IL1RAPL1: variants seen among roughly 807,000 people sequenced by gnomAD.
IL1RAPL1 encodes interleukin-1 receptor accessory protein-like 1.
In IL1RAPL1, 3 loss-of-function variants were observed where a neutral mutation model predicts 48.4. The observed-to-expected ratio is 0.06, with a 90% CI of 0.03 to 0.16. The LOEUF (loss-of-function observed/expected upper bound fraction) is 0.16, where lower values mean the gene tolerates loss of function less well. Among genes scored for constraint, IL1RAPL1 ranks in the 10% least tolerant of loss-of-function variants. The pLI is 1.00. For missense variants in IL1RAPL1, 349 were observed against 530.6 expected, an observed-to-expected ratio of 0.66 and a Z score of 3.36; for synonymous variants, 185 against 187.7, an observed-to-expected ratio of 0.99 and a Z score of 0.12.
chrX:29,449,037 G>T (rs1934644415), intron 5 of IL1RAPL1, among the ~76,000 whole-genome samples: 1 of 111,148 alleles, frequency 9.0e-6, no homozygotes, highest in African/African-American at 3.3e-5. Flanking sequence ...ATCACATTGG[G>T]GGTTAGTGCT....
At position 28,789,343 on chromosome X, in the gene IL1RAPL1, G is replaced by T; in HGVS notation, c.-1G>T. The T allele has an allele frequency of 8.3e-7, 1 of 1,202,727 alleles. No individual in the cohort carries two copies. Among genetic ancestry groups the T allele is most frequent in the Non-Finnish European group, 1.1e-6 (1 of 887,345 alleles). On this transcript the variant is annotated 5_prime_UTR_variant, in exon 2 of 11. Coordinates refer to ENST00000378993, the MANE Select transcript of IL1RAPL1 (RefSeq NM_014271.4). The stretch of plus-strand genomic sequence containing the variant: ...AGGGAACGGCCTTTAAGAGCTGGAA[G>T]ATGAAAGCTCCGATTCCACACTTGA...
chrX:29,283,272 G>T, intron 3 of IL1RAPL1, 55 bp downstream of exon 3: 1 of 1,090,486 alleles, frequency 9.2e-7, no homozygotes. Flanking sequence ...CTGCTTTCTC[G>T]TACTTAAATG....
chrX:28,679,290 C>T (rs1052995188), intron 1 of IL1RAPL1, among the ~76,000 whole-genome samples: 6 of 111,589 alleles, frequency 5.4e-5, no homozygotes, highest in African/African-American at 1.3e-4. Context: ...CATTTTTATT[C>T]GGGTTTTTTT....
At chrX:29,269,890 TAA>T (rs779723381) in intron 2 of IL1RAPL1, among the ~76,000 whole-genome samples, 12 of 111,452 alleles carry the variant, frequency 1.1e-4, no homozygotes, top group African/African-American at 2.9e-4. Flanking sequence ...CCCATCACAC[TAA>T]AAGTTTCCTC....
intron 7 of IL1RAPL1, among the ~76,000 whole-genome samples, chrX:29,918,146 T>A (rs1200848357): frequency 0.056 from 1,094 of 19,600 alleles, 26 homozygotes; most frequent in Non-Finnish European, 0.073. Context: ...AAAAAAAAAA[T>A]ATATATATAT....
intron 1 of IL1RAPL1, among the ~76,000 whole-genome samples, chrX:28,596,212 G>C (rs777567103): frequency 2.7e-5 from 3 of 111,756 alleles, no homozygotes; most frequent in Admixed American, 9.5e-5. Context: ...ATTATACGTA[G>C]AGACAAAAGC....
chrX:29,157,207 T>G (rs1246815886), intron 2 of IL1RAPL1, among the ~76,000 whole-genome samples: 2 of 111,497 alleles, frequency 1.8e-5, no homozygotes, highest in Admixed American at 1.9e-4. Flanking sequence ...TGTAGATAAC[T>G]ATAGCTTTGA....
chrX:28,793,912 C>G (rs764882605), intron 2 of IL1RAPL1, among the ~76,000 whole-genome samples: 2 of 110,821 alleles, frequency 1.8e-5, no homozygotes, highest in Non-Finnish European at 3.8e-5. Context: ...TCTACAGTGC[C>G]AAATATGCTG....
At chrX:28,710,696 G>T (rs1935431308) in intron 1 of IL1RAPL1, among the ~76,000 whole-genome samples, 1 of 111,382 alleles carries the variant, frequency 9.0e-6, no homozygotes, top group South Asian at 3.8e-4. Context: ...AATACCAGGT[G>T]AAATTAATTT....
chrX:28,974,335 G>A (rs893473827), intron 2 of IL1RAPL1, among the ~76,000 whole-genome samples: 3 of 111,770 alleles, frequency 2.7e-5, no homozygotes, highest in Non-Finnish European at 5.6e-5. Flanking sequence ...TTTGCTAAAC[G>A]TCCAATTTTT....
At chrX:28,703,892 C>T (rs1003844739) in intron 1 of IL1RAPL1, among the ~76,000 whole-genome samples, 3 of 111,868 alleles carry the variant, frequency 2.7e-5, no homozygotes, top group African/African-American at 9.7e-5. Context: ...TCCTATCCTG[C>T]CTCCCACATT....
chrX:29,178,364 A>T (rs1220445325), intron 2 of IL1RAPL1, among the ~76,000 whole-genome samples: 1 of 112,249 alleles, frequency 8.9e-6, no homozygotes, highest in Admixed American at 9.4e-5. Context: ...GCATTTTGTC[A>T]TGTGTCTATT....
chrX:29,077,115 T>C (rs1927694547), intron 2 of IL1RAPL1, among the ~76,000 whole-genome samples: 1 of 112,236 alleles, frequency 8.9e-6, no homozygotes, highest in African/African-American at 3.2e-5. Context: ...TGATAATGTA[T>C]GGCCTCGAAG....
intron 2 of IL1RAPL1, among the ~76,000 whole-genome samples, chrX:29,223,371 A>T (rs1449452036): frequency 9.0e-6 from 1 of 111,290 alleles, no homozygotes; most frequent in Non-Finnish European, 1.9e-5. Context: ...ATTGAAAGAA[A>T]CTGTTACTTT....
intron 2 of IL1RAPL1, among the ~76,000 whole-genome samples, chrX:28,797,765 A>G (rs1569175043): frequency 8.9e-6 from 1 of 111,959 alleles, no homozygotes; most frequent in Non-Finnish European, 1.9e-5. Flanking sequence ...ACCCAGTTCC[A>G]AAGTCGCTTC....
chrX:29,206,995 A>G (rs1727110988), intron 2 of IL1RAPL1, among the ~76,000 whole-genome samples: 1 of 111,742 alleles, frequency 8.9e-6, no homozygotes, highest in African/African-American at 3.3e-5. Context: ...GATGTCATGA[A>G]TTCACATGCC....
chrX:29,071,991 C>T (rs979760700), intron 2 of IL1RAPL1, among the ~76,000 whole-genome samples: 1 of 111,243 alleles, frequency 9.0e-6, no homozygotes, highest in Non-Finnish European at 1.9e-5. Flanking sequence ...TTGCCTTCAG[C>T]GGCAATGGAA....
At chrX:28,672,449 C>T (rs1934956726) in intron 1 of IL1RAPL1, among the ~76,000 whole-genome samples, 1 of 111,482 alleles carries the variant, frequency 9.0e-6, no homozygotes, top group African/African-American at 3.3e-5. Context: ...GTGATGCATG[C>T]GGAGGCTTGG....
chrX:29,376,596 C>T (rs1933627110), intron 3 of IL1RAPL1, among the ~76,000 whole-genome samples: 1 of 110,794 alleles, frequency 9.0e-6, no homozygotes, highest in African/African-American at 3.3e-5. Flanking sequence ...TGTTCTTGAA[C>T]TCCTGGGCTC....
Sources: allele counts gnomAD v4.1 joint callset (sites outside exome capture counted in the v4.1 genomes callset), GRCh38; gene constraint gnomAD v4.1.1; transcripts MANE v1.5; gene names NCBI Gene and HGNC (gene_info 2026-07-23, HGNC 2026-07-21).